Variants in APBB2 observed in about 807,000 individuals in gnomAD.
The protein encoded by APBB2 is amyloid beta precursor protein binding family B member 2, also known as Fe65-like 1.
APBB2 carries 38 observed loss-of-function variants against 82.5 expected under a neutral mutation model. The ratio of observed to expected loss-of-function variants is 0.46; its 90% confidence interval spans 0.36 to 0.60. The LOEUF is 0.60. APBB2 is among the 20% of genes least tolerant of loss of function. APBB2 has a pLI of 0.00. For missense variants in APBB2, 772 were observed against 972.3 expected, an observed-to-expected ratio of 0.79 and a Z score of 2.74; for synonymous variants, 341 against 368.2, an observed-to-expected ratio of 0.93 and a Z score of 0.85.
chr4:40,880,870 A>G (rs376092511), intron 12 of APBB2: 2 of 985,390 alleles, frequency 2.0e-6, no homozygotes, highest in South Asian at 9.4e-5. Context: ...TTTGAGCCAG[A>G]GTTACCAAAA....
chr4:41,072,454 C>T, intron 3 of APBB2, among the ~76,000 whole-genome samples: 1 of 152,202 alleles, frequency 6.6e-6, no homozygotes, highest in East Asian at 1.9e-4. Context: ...ATAGTACCAA[C>T]CTTTCCCTTC....
In APBB2 at chr4:40,994,811, G is replaced by GAA. The variant is rs71198624; in HGVS notation, c.835+18770_835+18771dup. ...CCTGGGGCGACAGAGCAAGACTCCG[G>GAA]AAAAAAAAAAAAAGAAAAGAAAAGA... On this transcript the variant is annotated intron_variant, in intron 6 of 17. Transcript: ENST00000508593. Among the ~76,000 whole-genome samples the GAA allele has an allele frequency of 4.2e-3, 480 of 112,956 alleles. 4 individuals carry two copies. Among genetic ancestry groups the GAA allele is most frequent in the African/African-American group, 0.014 (433 of 29,898 alleles). 74.1% of individuals were successfully genotyped at this position (112,956 alleles called of 152,430 possible).
At chr4:40,902,925 G>A (rs1775721093) in intron 10 of APBB2, among the ~76,000 whole-genome samples, 1 of 152,224 alleles carries the variant, frequency 6.6e-6, no homozygotes, top group Admixed American at 6.5e-5. Context: ...AGGATCACTT[G>A]AGGCCGAGAG....
In APBB2 at chr4:40,814,994, C is replaced by T. The variant is rs1200299011; in HGVS notation, c.*1098G>A. ...ACCTAATGTAATTTGTTGCCATGGA[C>T]AATACATGATGGACAGACAGCTTTC... is the stretch of plus-strand genomic sequence containing the variant. On this transcript the variant is annotated 3_prime_UTR_variant, in exon 18 of 18. Coordinates refer to ENST00000508593, the MANE Select transcript of APBB2 (RefSeq NM_004307.2). 1 of 152,192 alleles carries T rather than the reference C, an allele frequency of 6.6e-6. No individual in the cohort carries two copies. Among genetic ancestry groups the T allele is most frequent in the Non-Finnish European group, 1.5e-5 (1 of 68,044 alleles). The allele number at this position is 152,192 out of a possible 1,614,324, so 9.4% of individuals were successfully genotyped here. A position where few individuals can be genotyped will look rare whatever the true frequency, so the allele number is the denominator to read the frequency against.
intron 10 of APBB2, among the ~76,000 whole-genome samples, chr4:40,927,639 G>A (rs1782962867): frequency 6.6e-6 from 1 of 152,014 alleles, no homozygotes; most frequent in Non-Finnish European, 1.5e-5. Context: ...ATGCCACCAC[G>A]TTAGGCTAAT....
intron 1 of APBB2, among the ~76,000 whole-genome samples, chr4:41,183,192 G>A (rs553262936): frequency 3.9e-5 from 6 of 152,064 alleles, no homozygotes; most frequent in South Asian, 4.2e-4. Flanking sequence ...CCACACCACC[G>A]CCCTCTCTAG....
chr4:40,816,284 A>C (rs1156360023), intron 17 of APBB2, 25 bp from the exon 18 acceptor site: 1 of 1,613,536 alleles, frequency 6.2e-7, no homozygotes, highest in Admixed American at 1.7e-5. Flanking sequence ...AACGTGTTTT[A>C]AGGTAATTAA....
chr4:41,193,524 C>T (rs752224181), intron 1 of APBB2: 1 of 982,596 alleles, frequency 1.0e-6, no homozygotes, highest in South Asian at 4.7e-5. Flanking sequence ...GGTACTCCCA[C>T]AGGCCCTCCT....
At chr4:41,156,271 A>G (rs1337119158) in intron 1 of APBB2, among the ~76,000 whole-genome samples, 1 of 152,244 alleles carries the variant, frequency 6.6e-6, no homozygotes, top group Non-Finnish European at 1.5e-5. Flanking sequence ...ATGAGTAAAG[A>G]AGTCAGAAAT....
chr4:41,025,139 C>T (rs930282860), intron 5 of APBB2, among the ~76,000 whole-genome samples: 4 of 152,130 alleles, frequency 2.6e-5, no homozygotes, highest in African/African-American at 9.7e-5. Flanking sequence ...TCTCTCCGGT[C>T]CTCCTTCACT....
intron 12 of APBB2, chr4:40,857,168 G>A (rs1381425306): frequency 8.1e-6 from 8 of 985,214 alleles, no homozygotes; most frequent in Non-Finnish European, 9.6e-6. Flanking sequence ...AGAGAGCGGC[G>A]CCCGCGCCTC....
At chr4:40,968,520 A>C (rs893961399) in intron 6 of APBB2, among the ~76,000 whole-genome samples, 1 of 152,148 alleles carries the variant, frequency 6.6e-6, no homozygotes, top group African/African-American at 2.4e-5. Context: ...GTGCAAAGTA[A>C]GATTTCCTTT....
At chr4:40,982,294 G>A (rs1798918769) in intron 6 of APBB2, among the ~76,000 whole-genome samples, 1 of 39,298 alleles carries the variant, frequency 2.5e-5, no homozygotes, top group Non-Finnish European at 4.8e-5. Context: ...AGGAAGGAAG[G>A]AAGGAAGGAA....
Position 40,830,503 on chromosome 4 carries a change from G to A in APBB2, c.1604C>T (p.Ala535Val). ...KCHVFRCDTP[A>V]KAIATSLHEI... ...GTGGAGACTTGTGGCAATGGCTTTT[G>A]CTGGTGTGTCACATCGAAATACATG... Residue 535 changes from alanine to valine, a missense_variant, in exon 13 of 18, where the codon GCA (alanine) becomes GTA (valine). Transcript: ENST00000508593. The A allele has an allele frequency of 6.2e-7, 1 of 1,614,116 alleles. No homozygotes were observed. Among genetic ancestry groups the A allele is most frequent in the Non-Finnish European group, 8.5e-7 (1 of 1,180,008 alleles).
chr4:40,959,237 T>G (rs1792454687), intron 6 of APBB2, among the ~76,000 whole-genome samples: 1 of 152,194 alleles, frequency 6.6e-6, no homozygotes, highest in South Asian at 2.1e-4. Flanking sequence ...TATTTCAGAG[T>G]GAGCAGCAGG....
At position 40,960,451 on chromosome 4, in the gene APBB2, T is replaced by TTTTTTTTTTTTTTTTTTTTTTTG. The variant is rs1792836920; in HGVS notation, c.836-15379_836-15378insCAAAAAAAAAAAAAAAAAAAAAA. On this transcript the variant is annotated intron_variant, in intron 6 of 17. Coordinates refer to ENST00000508593, the MANE Select transcript of APBB2 (RefSeq NM_004307.2). ...AAAACAGAAATTTTTTTTCGGGTTT[T>TTTTTTTTTTTTTTTTTTTTTTTG]TTTTTTTTTTTTTTGAGACGGGGTC... is the stretch of plus-strand genomic sequence containing the variant. Among the ~76,000 whole-genome samples, 2 of 145,098 alleles carry TTTTTTTTTTTTTTTTTTTTTTTG rather than the reference T, an allele frequency of 1.4e-5. 1 individual carries two copies.
chr4:41,018,440 G>A (rs1185965285), intron 5 of APBB2, among the ~76,000 whole-genome samples: 1 of 152,188 alleles, frequency 6.6e-6, no homozygotes, highest in Non-Finnish European at 1.5e-5. Context: ...CATCAAGGGA[G>A]CCTGAACAAA....
chr4:41,092,559 C>T (rs1222577330), intron 3 of APBB2, among the ~76,000 whole-genome samples: 3 of 151,894 alleles, frequency 2.0e-5, no homozygotes, highest in African/African-American at 4.8e-5. Context: ...CATGGTGGCG[C>T]GTGTGTGTAC....
Position 40,857,174 on chromosome 4 carries a change from GCCTCCCTGCGC to G in APBB2, c.1530-26608_1530-26598del, listed in dbSNP as rs578206276. ...TCAAGTTGAAGAGAGCGGCGCCCGC[GCCTCCCTGCGC>G]CCTCCCTGCCCCGCCCGCCGCGGCC... On this transcript the variant is annotated intron_variant, in intron 12 of 17. Coordinates refer to ENST00000508593, the MANE Select transcript of APBB2 (RefSeq NM_004307.2). 2.2e-3 allele frequency: 2,137 copies of G among 985,430 alleles called. 24 individuals are homozygous for G. The African/African-American group carries it at 0.028, about 13-fold the overall frequency. 61.0% of individuals were successfully genotyped at this position (985,430 alleles called of 1,614,324 possible).
Sources: allele counts gnomAD v4.1 joint callset (sites outside exome capture counted in the v4.1 genomes callset), GRCh38; gene constraint gnomAD v4.1.1; transcripts MANE v1.5; gene names NCBI Gene and HGNC (gene_info 2026-07-23, HGNC 2026-07-21).